ZHX2: variants seen among roughly 807,000 people sequenced by gnomAD.
ZHX2 encodes the protein zinc fingers and homeoboxes protein 2.
In ZHX2, 6 loss-of-function variants were observed where a neutral mutation model predicts 21.9. The observed-to-expected ratio is 0.27, with a 90% CI of 0.15 to 0.54. The LOEUF (loss-of-function observed/expected upper bound fraction) is 0.54. Among genes scored for constraint, ZHX2 ranks in the 20% least tolerant of loss-of-function variants. The pLI is 0.95. For synonymous variants in ZHX2, 434 were observed against 437.1 expected (o/e 0.99, Z 0.09); for missense variants, 908 against 1,090.7 (o/e 0.83, Z 2.36).
intron 1 of ZHX2, among the ~76,000 whole-genome samples, chr8:122,839,128 T>G (rs1251540461): frequency 6.6e-6 from 1 of 152,082 alleles, no homozygotes; most frequent in African/African-American, 2.4e-5. Flanking sequence ...ATACCCTCAT[T>G]ACTTTTTTTT....
intron 2 of ZHX2, among the ~76,000 whole-genome samples, chr8:122,882,973 C>T (rs565874139): frequency 2.0e-5 from 3 of 152,164 alleles, no homozygotes; most frequent in East Asian, 1.9e-4. Flanking sequence ...CAGAGTGAGA[C>T]TCTGTCCCCA....
chr8:122,825,757 A>G (rs1220763738), intron 1 of ZHX2, among the ~76,000 whole-genome samples: 1 of 152,206 alleles, frequency 6.6e-6, no homozygotes, highest in Non-Finnish European at 1.5e-5. Flanking sequence ...TCTGTAATTT[A>G]TCCTTCTCCA....
At chr8:122,880,220 C>T (rs1231667750) in intron 2 of ZHX2, among the ~76,000 whole-genome samples, 17 of 151,988 alleles carry the variant, frequency 1.1e-4, no homozygotes, top group African/African-American at 3.4e-4. Context: ...GGGATTCACC[C>T]GCCTCAGCCT....
intron 2 of ZHX2, among the ~76,000 whole-genome samples, chr8:122,923,905 C>T (rs1315485490): frequency 6.6e-6 from 1 of 152,214 alleles, no homozygotes; most frequent in Admixed American, 6.5e-5. Flanking sequence ...GTGTAAATTC[C>T]AAGCATTTAT....
intron 1 of ZHX2, among the ~76,000 whole-genome samples, chr8:122,806,020 A>C (rs1353841479): frequency 6.6e-6 from 1 of 152,132 alleles, no homozygotes; most frequent in African/African-American, 2.4e-5. Context: ...TCCCATTCTC[A>C]TCACTAGTTC....
intron 2 of ZHX2, among the ~76,000 whole-genome samples, chr8:122,868,308 A>T (rs929947850): frequency 6.6e-6 from 1 of 152,154 alleles, no homozygotes; most frequent in Non-Finnish European, 1.5e-5. Flanking sequence ...TTTCATCTTT[A>T]GTCTCTGAGA....
At chr8:122,847,401 C>A (rs1217670798) in intron 1 of ZHX2, among the ~76,000 whole-genome samples, 1 of 152,226 alleles carries the variant, frequency 6.6e-6, no homozygotes, top group Non-Finnish European at 1.5e-5. Flanking sequence ...AGTCCTCCAC[C>A]CAGTGACCTT....
At chr8:122,844,620 GA>G (rs1818711901) in intron 1 of ZHX2, among the ~76,000 whole-genome samples, 1 of 152,212 alleles carries the variant, frequency 6.6e-6, no homozygotes. Context: ...AGGTCAGGGT[GA>G]GGGAAGACTT....
At chr8:122,912,734 T>C (rs541560494) in intron 2 of ZHX2, among the ~76,000 whole-genome samples, 1 of 152,248 alleles carries the variant, frequency 6.6e-6, no homozygotes, top group East Asian at 1.9e-4. Flanking sequence ...ACTGATTTGT[T>C]AGCAAATACT....
chr8:122,877,207 T>C (rs575474924), intron 2 of ZHX2, among the ~76,000 whole-genome samples: 3 of 152,202 alleles, frequency 2.0e-5, no homozygotes, highest in Non-Finnish European at 4.4e-5. Flanking sequence ...ATAATAACAC[T>C]ATCTACCTTA....
At chr8:122,897,355 G>A (rs1457864624) in intron 2 of ZHX2, among the ~76,000 whole-genome samples, 1 of 152,204 alleles carries the variant, frequency 6.6e-6, no homozygotes, top group East Asian at 1.9e-4. Context: ...CCATGAGTTA[G>A]TGCTTTTGAG....
At chr8:122,816,252 G>A (rs1818032891) in intron 1 of ZHX2, 1 of 151,664 alleles carries the variant, frequency 6.6e-6, no homozygotes, top group South Asian at 2.1e-4. Context: ...AATGAAGGGT[G>A]TGCATTTTTT....
chr8:122,843,625 C>T lies in ZHX2; in HGVS notation c.-282-19852C>T, dbSNP rs540684431. ...TTGGGTGGAAACGGTGAACTGCTGCCGGATCTGGGGAGACCCCACTTTAGT... is the reference window on the plus strand; with the variant it reads ...TTGGGTGGAAACGGTGAACTGCTGCTGGATCTGGGGAGACCCCACTTTAGT... On this transcript the variant is annotated intron_variant, in intron 1 of 3. Transcript: ENST00000314393. Among the ~76,000 whole-genome samples, 10 of 152,298 alleles carry T rather than the reference C, an allele frequency of 6.6e-5. No individual in the cohort carries two copies. In the South Asian group the frequency reaches 1.5e-3, roughly 22 times the overall value.
At chr8:122,844,188 G>C (rs552063770) in intron 1 of ZHX2, among the ~76,000 whole-genome samples, 2 of 152,314 alleles carry the variant, frequency 1.3e-5, no homozygotes, top group South Asian at 2.1e-4. Flanking sequence ...GTGGCCAAAG[G>C]CCTCCACGCA....
chr8:122,957,814 A>G (rs1813348496), intron 3 of ZHX2, among the ~76,000 whole-genome samples: 2 of 152,108 alleles, frequency 1.3e-5, no homozygotes, highest in African/African-American at 4.8e-5. Flanking sequence ...CTTCTGCACT[A>G]GGGGTGGCAT....
chr8:122,899,803 C>T (rs948753138), intron 2 of ZHX2, among the ~76,000 whole-genome samples: 1 of 152,146 alleles, frequency 6.6e-6, no homozygotes, highest in African/African-American at 2.4e-5. Flanking sequence ...ATTATGCAGG[C>T]AGTTTAATGC....
intron 2 of ZHX2, among the ~76,000 whole-genome samples, chr8:122,912,093 A>G (rs1226398575): frequency 2.0e-5 from 3 of 152,190 alleles, no homozygotes; most frequent in African/African-American, 7.2e-5. Flanking sequence ...ACATTTTTGC[A>G]AACTGGGTTC....
intron 2 of ZHX2, among the ~76,000 whole-genome samples, chr8:122,880,124 A>G (rs1192857148): frequency 1.3e-5 from 2 of 151,760 alleles, no homozygotes; most frequent in African/African-American, 4.8e-5. Context: ...AGGTGCCGCC[A>G]CCAAACCTGG....
rs1212030701 is a variant in ZHX2, at chr8:122,953,761, G to A, written c.2251G>A (p.Val751Ile). ...GGAGAAGTTGGTGACCAGGGTAAAA[G>A]TAGGCAGCGAGCCAGCAAAAGACTG... ...DLEKLVTRVK[V>I]GSEPAKDCLP... The change falls in exon 3 of 4, where the codon GTA becomes ATA. Residue 751 changes from valine to isoleucine, a missense_variant. Val to Ile is a conservative substitution (Grantham distance 29, BLOSUM62 3). Transcript: ENST00000314393. This position sits in a 1 kb window ranked among gnomAD's most constrained non-coding sequence, Gnocchi z 4.6. 1 of 1,614,262 alleles carries A rather than the reference G, an allele frequency of 6.2e-7. No individual in the cohort carries two copies. The highest frequency in any genetic ancestry group is 8.5e-7 in the Non-Finnish European group (1 of 1,180,044).
Sources: allele counts gnomAD v4.1 joint callset (sites outside exome capture counted in the v4.1 genomes callset), GRCh38; gene constraint gnomAD v4.1.1; non-coding constraint Gnocchi (gnomAD v3.1); transcripts MANE v1.5; gene names NCBI Gene and HGNC (gene_info 2026-07-23, HGNC 2026-07-21).